CEP128: variants seen among roughly 807,000 people sequenced by gnomAD.
The protein encoded by CEP128 is centrosomal protein 128kDa.
In CEP128, 132 loss-of-function variants were observed where a neutral mutation model predicts 156.7. The ratio of observed to expected loss-of-function variants is 0.84; its 90% CI spans 0.73 to 0.97. The LOEUF (loss-of-function observed/expected upper bound fraction) is 0.97. Ranked by LOEUF, CEP128 falls within the 50% of genes least tolerant of loss-of-function variation. CEP128 has a pLI of 0.00. For synonymous variants in CEP128, 469 were observed against 448.9 expected (o/e 1.04, Z -0.57); for missense variants, 1,252 against 1,281.9 (o/e 0.98, Z 0.36).
rs1304246142 is a variant in CEP128 at position 80,617,759 on chromosome 14, T to C, written c.2807-37336A>G. Among the ~76,000 whole-genome samples, 7 of 152,210 alleles carry C rather than the reference T, an allele frequency of 4.6e-5. No homozygotes were observed. In the East Asian group the frequency reaches 1.2e-3, roughly 25 times the overall value. On this transcript the variant is annotated intron_variant, in intron 19 of 24. Coordinates refer to ENST00000555265, the MANE Select transcript of CEP128 (RefSeq NM_152446.5). The stretch of plus-strand genomic sequence containing the variant: ...GAGTCGGAGACCAGCCTGGGCAACA[T>C]GGTGAGACCCGCCTGGGCAACATGG...
At chr14:80,677,954 T>C (rs965335660) in intron 19 of CEP128, among the ~76,000 whole-genome samples, 2 of 151,668 alleles carry the variant, frequency 1.3e-5, no homozygotes, top group Non-Finnish European at 2.9e-5. Flanking sequence ...TAAACCAATT[T>C]ATGCTTTTCA....
intron 19 of CEP128, among the ~76,000 whole-genome samples, chr14:80,607,418 G>C (rs1892828240): frequency 6.6e-6 from 1 of 152,106 alleles, no homozygotes; most frequent in African/African-American, 2.4e-5. Context: ...CCAAGAGAAA[G>C]ACCCCTTTTG....
chr14:80,550,292 C>T (rs1472796118), intron 21 of CEP128, among the ~76,000 whole-genome samples: 1 of 152,124 alleles, frequency 6.6e-6, no homozygotes, highest in Non-Finnish European at 1.5e-5. Flanking sequence ...TACACATTTG[C>T]TCTAAGTCAA....
intron 13 of CEP128, among the ~76,000 whole-genome samples, chr14:80,801,932 A>AAAAAAAAAAC (rs1883892292): frequency 6.7e-6 from 1 of 149,964 alleles, no homozygotes; most frequent in Admixed American, 6.6e-5. Flanking sequence ...AAAAAAAAAA[A>AAAAAAAAAAC]AAAAAGCTCA....
chr14:80,875,252 C>T (rs1241703142), intron 8 of CEP128, among the ~76,000 whole-genome samples: 2 of 152,138 alleles, frequency 1.3e-5, no homozygotes, highest in Non-Finnish European at 2.9e-5. Flanking sequence ...AGACCCAGTA[C>T]CAAAGTTTAT....
chr14:80,819,525 C>T (rs955788969), intron 13 of CEP128, among the ~76,000 whole-genome samples: 3 of 151,984 alleles, frequency 2.0e-5, no homozygotes, highest in African/African-American at 7.2e-5. Flanking sequence ...GGATTACAGG[C>T]GTGAGCCACT....
intron 12 of CEP128, among the ~76,000 whole-genome samples, chr14:80,835,384 A>G (rs1886021922): frequency 1.3e-5 from 2 of 152,230 alleles, no homozygotes; most frequent in African/African-American, 4.8e-5. Flanking sequence ...TTTTCTGGCA[A>G]TGTGGAAATT....
intron 13 of CEP128, among the ~76,000 whole-genome samples, chr14:80,813,071 T>G (rs1166727228): frequency 6.6e-6 from 1 of 152,174 alleles, no homozygotes; most frequent in Non-Finnish European, 1.5e-5. Flanking sequence ...GGGTTGTTTG[T>G]TTTTGCTCAT....
At chr14:80,595,716 A>C (rs1892285800) in intron 19 of CEP128, among the ~76,000 whole-genome samples, 1 of 152,208 alleles carries the variant, frequency 6.6e-6, no homozygotes, top group Non-Finnish European at 1.5e-5. Flanking sequence ...ACTGCTAATA[A>C]ATACATACCT....
chr14:80,697,700 C>T (rs1290178627), intron 19 of CEP128, among the ~76,000 whole-genome samples: 1 of 151,870 alleles, frequency 6.6e-6, no homozygotes, highest in Non-Finnish European at 1.5e-5. Flanking sequence ...ATCTGCTTAC[C>T]TCAAAATGTG....
intron 19 of CEP128, among the ~76,000 whole-genome samples, chr14:80,707,864 A>T (rs566519173): frequency 4.5e-4 from 68 of 152,168 alleles, no homozygotes; most frequent in Admixed American, 1.4e-3. Context: ...TAACCCACTA[A>T]GGATATATAG....
chr14:80,678,034 G>A (rs1457585473), intron 19 of CEP128, among the ~76,000 whole-genome samples: 1 of 96,576 alleles, frequency 1.0e-5, no homozygotes, highest in Non-Finnish European at 1.9e-5. Flanking sequence ...ATGGACAGTT[G>A]CTCTATAAAA....
At chr14:80,505,135 C>T (rs1314533244) in intron 23 of CEP128, 115 bp from the exon 24 acceptor site, 1 of 382,860 alleles carries the variant, frequency 2.6e-6, no homozygotes, top group Non-Finnish European at 4.8e-6. Flanking sequence ...TGTACATGCA[C>T]AATTTAATAT....
intron 2 of CEP128, among the ~76,000 whole-genome samples, chr14:80,933,383 T>C (rs187465545): frequency 5.3e-5 from 8 of 152,300 alleles, no homozygotes; most frequent in Admixed American, 5.2e-4. Flanking sequence ...TATATCTCCT[T>C]TGGGCACTGT....
At chr14:80,839,040 A>C (rs968278094) in intron 10 of CEP128, among the ~76,000 whole-genome samples, 6 of 152,178 alleles carry the variant, frequency 3.9e-5, no homozygotes, top group African/African-American at 1.4e-4. Flanking sequence ...CAGAGCTTGC[A>C]GTGAGCCGAA....
intron 19 of CEP128, among the ~76,000 whole-genome samples, chr14:80,588,397 C>CA (rs992447650): frequency 1.3e-5 from 2 of 151,992 alleles, no homozygotes; most frequent in Non-Finnish European, 2.9e-5. Flanking sequence ...CATTTTATTT[C>CA]AACTTATTCC....
chr14:80,554,365 G>A (rs1161281815), intron 21 of CEP128, among the ~76,000 whole-genome samples: 5 of 151,978 alleles, frequency 3.3e-5, no homozygotes, highest in East Asian at 3.9e-4. Context: ...TAGCATAAAC[G>A]CTATGCTGAC....
At chr14:80,800,679 G>GA (rs755273652) in intron 13 of CEP128, among the ~76,000 whole-genome samples, 15 of 151,272 alleles carry the variant, frequency 9.9e-5, no homozygotes, top group South Asian at 2.1e-4. Flanking sequence ...TGTGAACTGA[G>GA]AAAAAAAAAT....
At chr14:80,678,544 C>T (rs958857903) in intron 19 of CEP128, among the ~76,000 whole-genome samples, 17 of 152,102 alleles carry the variant, frequency 1.1e-4, no homozygotes, top group Non-Finnish European at 1.5e-4. Flanking sequence ...AATGGGAATC[C>T]GCTGGAATCC....
Sources: gnomAD v4.1 joint callset for allele counts (sites outside exome capture counted in the v4.1 genomes callset) on GRCh38, gnomAD v4.1.1 for gene constraint, MANE v1.5 for transcripts, NCBI Gene and HGNC (gene_info 2026-07-23, HGNC 2026-07-21) for gene names.